Variants in HDHD2 observed in about 807,000 individuals in gnomAD.
HDHD2 encodes the protein haloacid dehalogenase like hydrolase domain containing 2, also known as haloacid dehalogenase-like hydrolase domain-containing protein 2.
Under a neutral mutation model 24.8 loss-of-function variants are expected in HDHD2, and 26 were observed. The observed-to-expected ratio is 1.05, with a 90% CI of 0.77 to 1.45. HDHD2 has a LOEUF of 1.45. Ranked by LOEUF, HDHD2 falls within the 40% of genes most tolerant of loss-of-function variation. HDHD2 has a pLI of 0.00. For synonymous variants in HDHD2, 128 were observed against 114.9 expected, an observed-to-expected ratio of 1.11 and a Z score of -0.73; for missense variants, 299 against 313.4, an observed-to-expected ratio of 0.95 and a Z score of 0.35.
intron 1 of HDHD2, among the ~76,000 whole-genome samples, chr18:47,149,889 C>G (rs1277302380): frequency 1.3e-5 from 2 of 152,158 alleles, no homozygotes; most frequent in Non-Finnish European, 2.9e-5. Context: ...CAATAAAGAT[C>G]GTGAATTAAC....
chr18:47,149,607 G>T (rs908174240), intron 1 of HDHD2, among the ~76,000 whole-genome samples: 20 of 151,816 alleles, frequency 1.3e-4, no homozygotes, highest in African/African-American at 4.6e-4. Context: ...TGCCTCCCTC[G>T]TTGCGGGACT....
intron 1 of HDHD2, among the ~76,000 whole-genome samples, chr18:47,147,251 A>G (rs1032331967): frequency 6.6e-6 from 1 of 151,426 alleles, no homozygotes; most frequent in Admixed American, 6.6e-5. Flanking sequence ...GTTAAAAAAT[A>G]TATTAAGAGC....
chr18:47,108,705 G>C lies in HDHD2; in HGVS notation c.757C>G (p.His253Asp). The C allele has an allele frequency of 6.3e-7, 1 of 1,597,874 alleles. No homozygotes were observed. The highest frequency in any genetic ancestry group is 8.6e-7 in the Non-Finnish European group (1 of 1,166,102). Residue 253 changes from histidine to aspartate, a missense_variant, in exon 7 of 7, where the codon CAC becomes GAC. By Grantham distance (81) the His-to-Asp change is moderately conservative. Transcript: ENST00000300605. The part of the protein sequence containing the change: ...TCESFPHAVD[H>D]ILQHLL Reference sequence around the variant, plus strand: ...CTTCACAATAGGTGCTGCAGAATGTGGTCCACAGCATGAGGGAAACTCTCA... The same window carrying C: ...CTTCACAATAGGTGCTGCAGAATGTCGTCCACAGCATGAGGGAAACTCTCA...
rs1006220941 is a variant in HDHD2, at chr18:47,108,106, G to T, written c.*576C>A. ...TAATGAAGAGAAAAAGAAGTCACCCGTGCTGGGAATACAGTAGAAAATTTA... is the reference window on the plus strand; with the variant it reads ...TAATGAAGAGAAAAAGAAGTCACCCTTGCTGGGAATACAGTAGAAAATTTA... On this transcript the variant is annotated 3_prime_UTR_variant, in exon 7 of 7. Coordinates refer to ENST00000300605, the MANE Select transcript of HDHD2 (RefSeq NM_032124.5). 7 of 152,676 alleles carry T rather than the reference G, an allele frequency of 4.6e-5. No homozygotes were observed. The highest frequency in any genetic ancestry group is 8.8e-5 in the Non-Finnish European group (6 of 68,010). The allele number at this position is 152,676 out of a possible 1,614,324, so 9.5% of individuals were successfully genotyped here.
rs186112354 is a variant in HDHD2 at position 47,111,470 on chromosome 18, A to G, written c.676+1507T>C. ...GGATTTCTTCAATAATGAGAAAATA[A>G]AACAGCAAAAGGCAGGAATCTGAAA... is the stretch of plus-strand genomic sequence containing the variant. On this transcript the variant is annotated intron_variant, in intron 6 of 6. Coordinates refer to ENST00000300605, the MANE Select transcript of HDHD2 (RefSeq NM_032124.5). 2.0e-4 allele frequency: 194 copies of G among 985,178 alleles called. No individual in the cohort carries two copies. The Middle Eastern group carries it at 3.7e-3, about 19-fold the overall frequency. The allele number at this position is 985,178 out of a possible 1,614,324, so 61.0% of individuals were successfully genotyped here. A position where few individuals can be genotyped will look rare whatever the true frequency, so the allele number is the denominator to read the frequency against.
chr18:47,110,741 A>G, intron 6 of HDHD2: 1 of 985,374 alleles, frequency 1.0e-6, no homozygotes, highest in Non-Finnish European at 1.2e-6. Context: ...TGGATGGATA[A>G]ATGATGAATG....
Position 47,115,371 on chromosome 18 carries a change from A to G in HDHD2, c.396-23T>C, listed in dbSNP as rs540426092. On this transcript the variant is annotated intron_variant, in intron 4 of 6. Transcript: ENST00000300605. ...AACCTAGAGAGAACAACAACAAAAA[A>G]AACAAATTGGCTAAAAGCAAGGCTT... is the stretch of plus-strand genomic sequence containing the variant. 20 of 1,582,554 alleles carry G rather than the reference A, an allele frequency of 1.3e-5. No homozygotes were observed. In the East Asian group the frequency reaches 4.5e-4, roughly 35 times the overall value.
chr18:47,126,968 T>C (rs2063664864), intron 4 of HDHD2, among the ~76,000 whole-genome samples: 1 of 152,212 alleles, frequency 6.6e-6, no homozygotes, highest in East Asian at 1.9e-4. Flanking sequence ...GAGACCATCC[T>C]GACTAACATG....
At chr18:47,141,142 C>G (rs1330610070) in intron 1 of HDHD2, among the ~76,000 whole-genome samples, 1 of 152,118 alleles carries the variant, frequency 6.6e-6, no homozygotes, top group Admixed American at 6.5e-5. Context: ...CCCTTCTATT[C>G]CCAGTTTGCT....
intron 1 of HDHD2, among the ~76,000 whole-genome samples, chr18:47,145,472 T>G (rs2063860143): frequency 6.6e-6 from 1 of 152,210 alleles, no homozygotes; most frequent in Non-Finnish European, 1.5e-5. Context: ...GGTCCCAATA[T>G]GTGTAGAAAA....
Position 47,133,806 on chromosome 18 carries a change from C to T in HDHD2, c.310+690G>A, listed in dbSNP as rs151292641. Among the ~76,000 whole-genome samples, 840 of 152,068 alleles carry T rather than the reference C, an allele frequency of 5.5e-3. 3 individuals are homozygous for T. The highest frequency in any genetic ancestry group is 0.014 in the Middle Eastern group (4 of 292). ...TTGAGAAGTGTCTGTTCATATCCTC[C>T]GCCCACTTTTTGATGGGGTTGTTTT... On this transcript the variant is annotated intron_variant, in intron 3 of 6. Transcript: ENST00000300605.
chr18:47,134,026 G>C (rs961522942), intron 3 of HDHD2, among the ~76,000 whole-genome samples: 3 of 152,134 alleles, frequency 2.0e-5, no homozygotes, highest in Admixed American at 2.0e-4. Context: ...ATTGCTTTTG[G>C]TGTTTTACAC....
chr18:47,117,184 T>C (rs1022613809), intron 4 of HDHD2, among the ~76,000 whole-genome samples: 1 of 152,204 alleles, frequency 6.6e-6, no homozygotes, highest in African/African-American at 2.4e-5. Context: ...TTAAACATTT[T>C]TAAAAATATC....
At chr18:47,126,655 G>A (rs999946938) in intron 4 of HDHD2, among the ~76,000 whole-genome samples, 5 of 151,932 alleles carry the variant, frequency 3.3e-5, no homozygotes, top group African/African-American at 7.3e-5. Flanking sequence ...CAGGTATAAC[G>A]ATATTTTAAT....
At chr18:47,148,215 T>A (rs150961815) in intron 1 of HDHD2, among the ~76,000 whole-genome samples, 401 of 152,286 alleles carry the variant, frequency 2.6e-3, no homozygotes, top group Admixed American at 6.3e-3. Flanking sequence ...GGTCTCGAAC[T>A]GGTGAGTTCA....
At chr18:47,111,743 A>G (rs2063517847) in intron 6 of HDHD2, 2 of 985,296 alleles carry the variant, frequency 2.0e-6, no homozygotes, top group Non-Finnish European at 1.2e-6. Flanking sequence ...GACCTTTGCC[A>G]CATACTTCTT....
At chr18:47,134,464 T>A (rs763552392) in intron 3 of HDHD2, 32 bp downstream of exon 3, 14 of 1,436,110 alleles carry the variant, frequency 9.7e-6, no homozygotes, top group African/African-American at 2.8e-5. Flanking sequence ...CATATAAATA[T>A]CCAATCTTTA....
At chr18:47,135,442 G>C (rs1236618167) in intron 2 of HDHD2, among the ~76,000 whole-genome samples, 1 of 151,916 alleles carries the variant, frequency 6.6e-6, no homozygotes, top group Non-Finnish European at 1.5e-5. Flanking sequence ...TGTATTTTTA[G>C]TAGAGACGGT....
chr18:47,113,765 T>C (rs906500704), intron 5 of HDHD2, among the ~76,000 whole-genome samples: 9 of 152,108 alleles, frequency 5.9e-5, no homozygotes, highest in African/African-American at 1.7e-4. Context: ...TTTTTTTCCT[T>C]AAAAACCATT....
Sources: gnomAD v4.1 joint callset for allele counts (sites outside exome capture counted in the v4.1 genomes callset) on GRCh38, gnomAD v4.1.1 for gene constraint, MANE v1.5 for transcripts, NCBI Gene and HGNC (gene_info 2026-07-23, HGNC 2026-07-21) for gene names.